Variants in PLD5 observed in about 807,000 individuals in gnomAD.
PLD5 encodes inactive phospholipase D5.
Under a neutral mutation model 61.1 loss-of-function variants are expected in PLD5, and 36 were observed. The ratio of observed to expected loss-of-function variants is 0.59; its 90% CI spans 0.45 to 0.78. The LOEUF is 0.78. PLD5 is among the 30% of genes least tolerant of loss of function. The pLI, the probability that PLD5 is intolerant of heterozygous loss-of-function variation, is 0.00. For synonymous variants in PLD5, 243 were observed against 242.8 expected (o/e 1.00, Z -0.01); for missense variants, 515 against 644.4 (o/e 0.80, Z 2.17).
intron 1 of PLD5, among the ~76,000 whole-genome samples, chr1:242,455,085 A>G (rs945867166): frequency 2.0e-5 from 3 of 152,214 alleles, no homozygotes; most frequent in African/African-American, 4.8e-5. Context: ...GTGATCAATC[A>G]GTTGTTCAAA....
intron 4 of PLD5, among the ~76,000 whole-genome samples, chr1:242,260,856 T>C (rs1428557704): frequency 1.3e-5 from 2 of 152,170 alleles, no homozygotes; most frequent in South Asian, 2.1e-4. Flanking sequence ...AGAAAACTAA[T>C]TTAGAAATTT....
At chr1:242,401,980 A>G (rs1360166353) in intron 1 of PLD5, among the ~76,000 whole-genome samples, 3 of 152,198 alleles carry the variant, frequency 2.0e-5, no homozygotes, top group African/African-American at 7.2e-5. Flanking sequence ...GGTCAAAGGA[A>G]AGGAACATAT....
chr1:242,264,108 C>T (rs1206223977), intron 4 of PLD5, among the ~76,000 whole-genome samples: 1 of 150,998 alleles, frequency 6.6e-6, no homozygotes, highest in Non-Finnish European at 1.5e-5. Context: ...GTAATCAATT[C>T]CTCAGAAAAA....
At chr1:242,519,401 G>A (rs1458855121) in intron 1 of PLD5, among the ~76,000 whole-genome samples, 4 of 152,166 alleles carry the variant, frequency 2.6e-5, no homozygotes, top group Non-Finnish European at 5.9e-5. Flanking sequence ...ACACTTAGAG[G>A]AGACAATCTT....
intron 1 of PLD5, among the ~76,000 whole-genome samples, chr1:242,399,867 G>T (rs375715486): frequency 4.0e-5 from 6 of 151,646 alleles, no homozygotes; most frequent in Admixed American, 2.0e-4. Flanking sequence ...TCTAGGCTGC[G>T]TGCTCCTTAT....
At chr1:242,290,323 T>A (rs1359379204) in intron 2 of PLD5, among the ~76,000 whole-genome samples, 1 of 149,600 alleles carries the variant, frequency 6.7e-6, no homozygotes, top group Non-Finnish European at 1.5e-5. Context: ...AAATTTTTTA[T>A]GAGTGAGTTG....
intron 2 of PLD5, among the ~76,000 whole-genome samples, chr1:242,289,359 CT>C (rs1006508385): frequency 1.3e-5 from 2 of 151,802 alleles, no homozygotes; most frequent in African/African-American, 4.8e-5. Context: ...TCCCGCAATT[CT>C]TTTTTTGAGA....
chr1:242,157,887 T>C (rs7534695), intron 5 of PLD5, among the ~76,000 whole-genome samples: 53,354 of 152,090 alleles, frequency 0.35, 9,597 homozygotes, highest in African/African-American at 0.4. Flanking sequence ...CAGGCAGGGA[T>C]GTTTAAGTCT....
intron 1 of PLD5, among the ~76,000 whole-genome samples, chr1:242,470,370 GAAAGAAAGAAAAAAAAGA>G (rs1228155640): frequency 3.5e-3 from 266 of 75,272 alleles, no homozygotes; most frequent in Admixed American, 0.011. Flanking sequence ...AAGAAAGAAA[GAAAGAAAGAAAAAAAAGA>G]AAGAAAGAAA....
intron 5 of PLD5, among the ~76,000 whole-genome samples, chr1:242,161,528 T>A (rs1272951442): frequency 6.6e-6 from 1 of 152,146 alleles, no homozygotes. Flanking sequence ...TTAAGTTTCC[T>A]ATATTATAAA....
intron 2 of PLD5, among the ~76,000 whole-genome samples, chr1:242,316,621 A>G (rs1658004696): frequency 6.6e-6 from 1 of 152,152 alleles, no homozygotes; most frequent in Middle Eastern, 3.2e-3. Flanking sequence ...TTTAACATTT[A>G]ATAATTTTAA....
In PLD5 at chr1:242,095,957, T is replaced by C. The variant is rs115822164; in HGVS notation, c.1354+4711A>G. On this transcript the variant is annotated intron_variant, in intron 9 of 9. Transcript: ENST00000536534. ...ACAGGAATGAAATAATATTCTCTCT[T>C]TTTTTTTCTTTTTTTTGAGACAGAG... Among the ~76,000 whole-genome samples, 699 of 152,064 alleles carry C rather than the reference T, an allele frequency of 4.6e-3. 4 individuals carry two copies. Among genetic ancestry groups the C allele is most frequent in the Middle Eastern group, 0.02 (6 of 294 alleles).
In PLD5 at chr1:242,265,250, A is replaced by G. The variant is rs1673598938; in HGVS notation, c.607+87T>C. On this transcript the variant is annotated intron_variant, in intron 4 of 9. Coordinates refer to ENST00000536534, the MANE Select transcript of PLD5 (RefSeq NM_001372062.1). ...GTACTAAGTGAAATGTACTAACCATAAAGAAATTATATATTATTTTAAGTG... is the reference window on the plus strand; with the variant it reads ...GTACTAAGTGAAATGTACTAACCATGAAGAAATTATATATTATTTTAAGTG... 6 of 1,464,102 alleles carry G rather than the reference A, an allele frequency of 4.1e-6. No homozygotes were observed. The East Asian group carries it at 1.0e-4, about 25-fold the overall frequency. The allele number at this position is 1,464,102 out of a possible 1,614,324, so 90.7% of individuals were successfully genotyped here.
chr1:242,449,868 A>T (rs2102922174), intron 1 of PLD5, among the ~76,000 whole-genome samples: 2 of 152,296 alleles, frequency 1.3e-5, no homozygotes, highest in East Asian at 3.9e-4. Flanking sequence ...GGCAATGCTG[A>T]CGAGCACTCC....
chr1:242,111,267 G>A (rs867541436), intron 7 of PLD5, among the ~76,000 whole-genome samples: 1 of 152,112 alleles, frequency 6.6e-6, no homozygotes, highest in African/African-American at 2.4e-5. Flanking sequence ...ATGTTGGCCA[G>A]GCTGGTGTTG....
chr1:242,330,506 C>G (rs1291286930), intron 2 of PLD5, among the ~76,000 whole-genome samples: 1 of 152,190 alleles, frequency 6.6e-6, no homozygotes, highest in African/African-American at 2.4e-5. Context: ...CAAGGGACAT[C>G]CCTCACTGTA....
chr1:242,309,654 A>G (rs890656471), intron 2 of PLD5, among the ~76,000 whole-genome samples: 12 of 139,292 alleles, frequency 8.6e-5, no homozygotes, highest in African/African-American at 2.5e-4. Flanking sequence ...GATTACAGGC[A>G]TGAGCCACTG....
chr1:242,231,353 C>A (rs1392618850), intron 4 of PLD5, among the ~76,000 whole-genome samples: 1 of 152,180 alleles, frequency 6.6e-6, no homozygotes, highest in Non-Finnish European at 1.5e-5. Context: ...GAGAAGGCAG[C>A]CTCTTAGAGC....
chr1:242,268,746 T>C (rs1296457862), intron 3 of PLD5, among the ~76,000 whole-genome samples: 1 of 152,200 alleles, frequency 6.6e-6, no homozygotes, highest in African/African-American at 2.4e-5. Flanking sequence ...TGTTAAGACA[T>C]TCAAAATGTA....
Sources: gnomAD v4.1 joint callset for allele counts (sites outside exome capture counted in the v4.1 genomes callset) on GRCh38, gnomAD v4.1.1 for gene constraint, MANE v1.5 for transcripts, NCBI Gene and HGNC (gene_info 2026-07-23, HGNC 2026-07-21) for gene names.